Variants in PKHD1L1 observed in about 807,000 individuals in gnomAD.
PKHD1L1 encodes the protein PKHD1 like 1, also known as fibrocystin-L.
PKHD1L1 carries 434 observed loss-of-function variants against 462.9 expected under a neutral mutation model. The observed-to-expected ratio is 0.94, with a 90% CI of 0.87 to 1.02. PKHD1L1 has a LOEUF of 1.02. Ranked by LOEUF, PKHD1L1 falls within the 50% of genes least tolerant of loss-of-function variation. The probability of loss-of-function intolerance (pLI) is 0.00; values close to 1 mark genes in which losing one functional copy is unlikely to be tolerated. For synonymous variants in PKHD1L1, 1,781 were observed against 1,750.0 expected (o/e 1.02, Z -0.44); for missense variants, 5,202 against 5,096.1 (o/e 1.02, Z -0.63).
At position 109,536,502 on chromosome 8, in the gene PKHD1L1, G is replaced by T. The variant is rs1402206243; in HGVS notation, c.*6412G>T. 1.3e-5 allele frequency among the ~76,000 whole-genome samples: 2 copies of T among 152,124 alleles called. No individual in the cohort carries two copies. The highest frequency in any genetic ancestry group is 3.8e-4 in the East Asian group (2 of 5,198). On this transcript the variant is annotated 3_prime_UTR_variant, in exon 78 of 78. Transcript: ENST00000378402. ...CATTTACTGTTAGAAATAACAAAAGGTCTTAGACTGCCAGATGCTGTTCCC... is the reference window on the plus strand; with the variant it reads ...CATTTACTGTTAGAAATAACAAAAGTTCTTAGACTGCCAGATGCTGTTCCC...
At position 109,466,637 on chromosome 8, in the gene PKHD1L1, C is replaced by G. The variant is rs761657745; in HGVS notation, c.8473C>G (p.Gln2825Glu). Residue 2825 changes from glutamine to glutamate, a missense_variant, in exon 50 of 78, where the codon CAG becomes GAG. Physicochemically the swap from Gln to Glu is conservative, Grantham distance 29. Transcript: ENST00000378402. ...SSLLDPSHCT[Q>E]EAEWSIGFPG... ...ATTGCTAGACCCTTCTCATTGTACT[C>G]AGGAAGCTGAGTGGAGCATTGGGTT... 10 of 1,610,392 alleles carry G rather than the reference C, an allele frequency of 6.2e-6. No homozygotes were observed. In the Admixed American group the frequency reaches 1.7e-4, roughly 27 times the overall value.
At chr8:109,460,926 C>T (rs1817087675) in intron 47 of PKHD1L1, among the ~76,000 whole-genome samples, 1 of 152,098 alleles carries the variant, frequency 6.6e-6, no homozygotes, top group Admixed American at 6.6e-5. Flanking sequence ...CAACTCATTG[C>T]TTTGGTCTCA....
At chr8:109,367,765 A>T (rs893893623) in intron 2 of PKHD1L1, among the ~76,000 whole-genome samples, 1 of 152,136 alleles carries the variant, frequency 6.6e-6, no homozygotes, top group Non-Finnish European at 1.5e-5. Context: ...GTCCAGCATG[A>T]TGGCCTGCCT....
intron 39 of PKHD1L1, 138 bp from the exon 40 acceptor site, chr8:109,449,200 C>T: frequency 1.4e-6 from 1 of 723,212 alleles, no homozygotes; most frequent in Non-Finnish European, 2.1e-6. Context: ...TAGAATAATG[C>T]ACTATAATTT....
At chr8:109,386,902 T>C (rs117156328) in intron 6 of PKHD1L1, among the ~76,000 whole-genome samples, 495 of 152,318 alleles carry the variant, frequency 3.2e-3, no homozygotes, top group Non-Finnish European at 4.7e-3. Flanking sequence ...AATTATTCCA[T>C]GAAATCACAG....
At chr8:109,446,156 C>T (rs1456297079) in intron 38 of PKHD1L1, among the ~76,000 whole-genome samples, 1 of 152,170 alleles carries the variant, frequency 6.6e-6, no homozygotes, top group African/African-American at 2.4e-5. Flanking sequence ...AATTACTTAG[C>T]ATGACTCATT....
At chr8:109,524,722 G>A (rs893578754) in intron 76 of PKHD1L1, among the ~76,000 whole-genome samples, 1 of 151,968 alleles carries the variant, frequency 6.6e-6, no homozygotes, top group African/African-American at 2.4e-5. Context: ...CCCTTGGGAG[G>A]GTCTGTCTTA....
At chr8:109,466,893 G>A in intron 50 of PKHD1L1, 124 bp downstream of exon 50, 1 of 866,004 alleles carries the variant, frequency 1.2e-6, no homozygotes, top group Non-Finnish European at 1.7e-6. Flanking sequence ...TTATATTAGA[G>A]TCCAAGCAGG....
chr8:109,436,531 G>C, intron 30 of PKHD1L1, 72 bp downstream of exon 30: 1 of 1,573,090 alleles, frequency 6.4e-7, no homozygotes, highest in Non-Finnish European at 8.6e-7. Context: ...CATCTCAGTG[G>C]GGCGGGGGGT....
At chr8:109,384,029 A>G (rs770331139) in intron 4 of PKHD1L1, 41 bp from the exon 5 acceptor site, 3 of 1,345,414 alleles carry the variant, frequency 2.2e-6, no homozygotes, top group Non-Finnish European at 3.2e-6. Context: ...CTAGAAACAA[A>G]ACAGAGATAA....
chr8:109,508,208 C>T lies in PKHD1L1; in HGVS notation c.11339C>T (p.Thr3780Ile), dbSNP rs1819795699. The change falls in exon 70 of 78, where the codon ACT becomes ATT. Residue 3780 changes from threonine (T) to isoleucine (I), a missense_variant. By Grantham distance (89) the Thr-to-Ile change is moderately conservative (BLOSUM62 -1). Around this residue, in one of 3 missense-constraint regions of PKHD1L1, gnomAD observed 698 missense variants for 736.3 expected, o/e 0.95. Transcript: ENST00000378402. Reference sequence around the variant, plus strand: ...GAAAGTCTGGATCCTGACACAGAAACTCGAAGACTTTCCCCAGTGGCTATA... The same window carrying T: ...GAAAGTCTGGATCCTGACACAGAAATTCGAAGACTTTCCCCAGTGGCTATA... ...VIESLDPDTE[T>I]RRLSPVAIMG... is the part of the protein sequence containing the mutation. The T allele has an allele frequency of 6.2e-7, 1 of 1,613,124 alleles. No homozygotes were observed. The highest frequency in any genetic ancestry group is 1.1e-5 in the South Asian group (1 of 91,034).
At position 109,444,834 on chromosome 8, in the gene PKHD1L1, T is replaced by A. The variant is rs573835998; in HGVS notation, c.4965T>A (p.Phe1655Leu). 6.2e-7 allele frequency: 1 copy of A among 1,614,052 alleles called. No individual in the cohort carries two copies. Among genetic ancestry groups the A allele is most frequent in the African/African-American group, 1.3e-5 (1 of 75,078 alleles). The change falls in exon 38 of 78, where the codon TTT becomes TTA. Residue 1655 changes from phenylalanine (F) to leucine (L), a missense_variant. By Grantham distance (22) the Phe-to-Leu change is conservative (BLOSUM62 0). This residue lies in a region of PKHD1L1 where 4,497 missense variants were observed against 4,336.8 expected (regional missense o/e 1.04). Transcript: ENST00000378402. ...NTLSNEFDRR[F>L]VLLPNIDLVL... ...TGTCCAATGAATTTGATAGGCGATT[T>A]GTACTTTTGCCAAACATTGACCTGG... is the stretch of plus-strand genomic sequence containing the variant.
At chr8:109,370,226 C>A (rs1811429490) in intron 2 of PKHD1L1, among the ~76,000 whole-genome samples, 1 of 152,122 alleles carries the variant, frequency 6.6e-6, no homozygotes, top group Admixed American at 6.5e-5. Context: ...TCAAGTGATT[C>A]TCCTGCTTCA....
intron 2 of PKHD1L1, among the ~76,000 whole-genome samples, chr8:109,365,764 A>G (rs1434664459): frequency 6.6e-6 from 1 of 152,208 alleles, no homozygotes; most frequent in Non-Finnish European, 1.5e-5. Flanking sequence ...TCACGAGGTC[A>G]GGAGATGGAG....
At chr8:109,525,013 A>G (rs919062349) in intron 76 of PKHD1L1, among the ~76,000 whole-genome samples, 1 of 152,218 alleles carries the variant, frequency 6.6e-6, no homozygotes, top group Non-Finnish European at 1.5e-5. Context: ...TAAATCAATT[A>G]GCCAGTTGTA....
chr8:109,465,680 A>AATATAG lies in PKHD1L1; in HGVS notation c.8413+437_8413+442dup, dbSNP rs1278910755. 3.3e-5 allele frequency among the ~76,000 whole-genome samples: 5 copies of AATATAG among 152,324 alleles called. No homozygotes were observed. In the East Asian group the frequency reaches 9.6e-4, roughly 29 times the overall value. ...AAATTGCAGGCTTATTTACAAAAGC[A>AATATAG]ATATAGACAGACTGTATCTATCCTT... On this transcript the variant is annotated intron_variant, in intron 49 of 77. Transcript: ENST00000378402.
At chr8:109,379,516 A>G (rs1812003858) in intron 2 of PKHD1L1, among the ~76,000 whole-genome samples, 1 of 152,200 alleles carries the variant, frequency 6.6e-6, no homozygotes, top group African/African-American at 2.4e-5. Context: ...ACTTGGGGAA[A>G]AACATCCTGT....
chr8:109,412,555 G>T, intron 20 of PKHD1L1, 141 bp downstream of exon 20: 5 of 810,366 alleles, frequency 6.2e-6, no homozygotes, highest in Non-Finnish European at 9.1e-6. Flanking sequence ...GTACATTCTG[G>T]GTGCTTGTGG....
chr8:109,393,378 G>A (rs546455984), intron 9 of PKHD1L1, among the ~76,000 whole-genome samples: 4 of 152,178 alleles, frequency 2.6e-5, no homozygotes, highest in South Asian at 4.2e-4. Flanking sequence ...TTTTCTAGTG[G>A]AGAACGTCTT....
Sources: gnomAD v4.1 joint callset for allele counts (sites outside exome capture counted in the v4.1 genomes callset) on GRCh38, gnomAD v4.1.1 for gene constraint, gnomAD v4.1.1 regional missense constraint, MANE v1.5 for transcripts, NCBI Gene and HGNC (gene_info 2026-07-23, HGNC 2026-07-21) for gene names.